PDZRN3: variants seen among roughly 807,000 people sequenced by gnomAD.
The protein encoded by PDZRN3 is E3 ubiquitin-protein ligase PDZRN3.
In PDZRN3, 38 loss-of-function variants were observed where a neutral mutation model predicts 85.7. The ratio of observed to expected loss-of-function variants is 0.44; its 90% confidence interval spans 0.34 to 0.58. The LOEUF (loss-of-function observed/expected upper bound fraction) is 0.58, where lower values mean the gene tolerates loss of function less well. PDZRN3 is among the 20% of genes least tolerant of loss of function. The pLI is 0.01. For synonymous variants in PDZRN3, 759 were observed against 638.0 expected (o/e 1.19, Z -2.86); for missense variants, 1,629 against 1,506.4 (o/e 1.08, Z -1.35).
intron 3 of PDZRN3, among the ~76,000 whole-genome samples, chr3:73,498,332 T>G (rs1451109176): frequency 6.6e-6 from 1 of 152,110 alleles, no homozygotes; most frequent in African/African-American, 2.4e-5. Flanking sequence ...CATTCAGTGG[T>G]TAGTGTTGGG....
chr3:73,568,609 G>C (rs1344542200), intron 3 of PDZRN3, among the ~76,000 whole-genome samples: 2 of 152,176 alleles, frequency 1.3e-5, no homozygotes, highest in Non-Finnish European at 1.5e-5. Flanking sequence ...ATGTGAGACA[G>C]ACCGATGTCA....
At position 73,382,757 on chromosome 3, in the gene PDZRN3, ACT is replaced by A. The variant is rs1703262804; in HGVS notation, c.*606_*607del. 1 of 152,634 alleles carries A rather than the reference ACT, an allele frequency of 6.6e-6. No homozygotes were observed. Among genetic ancestry groups the A allele is most frequent in the South Asian group, 2.1e-4 (1 of 4,828 alleles). 9.5% of individuals were successfully genotyped at this position (152,634 alleles called of 1,614,324 possible). ...TTTTGCTTTCTGCTAAAACCTTTACACTCTCTTGGGAACCTTAACCAGGAAAA... is the reference window on the plus strand; with the variant it reads ...TTTTGCTTTCTGCTAAAACCTTTACACTCTTGGGAACCTTAACCAGGAAAA... On this transcript the variant is annotated 3_prime_UTR_variant, in exon 10 of 10. Transcript: ENST00000263666.
chr3:73,442,455 GC>G (rs552508212), intron 3 of PDZRN3, among the ~76,000 whole-genome samples: 48 of 152,148 alleles, frequency 3.2e-4, no homozygotes, highest in Non-Finnish European at 5.4e-4. Flanking sequence ...GCGCTACAGG[GC>G]ACGTGAACGT....
intron 3 of PDZRN3, chr3:73,433,611 T>A (rs112930676): frequency 6.8e-7 from 1 of 1,472,190 alleles, no homozygotes; most frequent in Non-Finnish European, 9.2e-7. Flanking sequence ...GCCTATGCAC[T>A]TCTATGGAAT....
intron 5 of PDZRN3, among the ~76,000 whole-genome samples, chr3:73,392,564 C>G (rs1285990201): frequency 6.6e-6 from 1 of 152,204 alleles, no homozygotes; most frequent in Non-Finnish European, 1.5e-5. Flanking sequence ...ACATGAGGCA[C>G]ACAAGAGCTC....
At chr3:73,503,683 T>G (rs1272994930) in intron 3 of PDZRN3, among the ~76,000 whole-genome samples, 1 of 152,254 alleles carries the variant, frequency 6.6e-6, no homozygotes, top group African/African-American at 2.4e-5. Context: ...TCCAAAAATG[T>G]AACACAGCAT....
At chr3:73,577,755 C>T (rs1702145892) in intron 3 of PDZRN3, among the ~76,000 whole-genome samples, 1 of 152,218 alleles carries the variant, frequency 6.6e-6, no homozygotes, top group Admixed American at 6.5e-5. Flanking sequence ...TCCACTCCTG[C>T]CCTTCAAGCC....
Position 73,384,095 on chromosome 3 carries a change from G to C in PDZRN3, c.2471C>G (p.Pro824Arg), listed in dbSNP as rs761741441. 6.2e-7 allele frequency: 1 copy of C among 1,613,732 alleles called. No individual in the cohort carries two copies. Among genetic ancestry groups the C allele is most frequent in the Non-Finnish European group, 8.5e-7 (1 of 1,179,924 alleles). Residue 824 changes from proline (P) to arginine (R), a missense_variant, in exon 10 of 10, where the codon CCG (proline) becomes CGG (arginine). Transcript: ENST00000263666. ...DPEVGTPTYSPSLKELDPNQP... is the reference protein window; with the variant it reads ...DPEVGTPTYSRSLKELDPNQP... Reference sequence around the variant, plus strand: ...GTTGGGGTCCAGCTCCTTCAGGGACGGGCTATAGGTAGGGGTGCCCACTTC... The same window carrying C: ...GTTGGGGTCCAGCTCCTTCAGGGACCGGCTATAGGTAGGGGTGCCCACTTC...
intron 3 of PDZRN3, among the ~76,000 whole-genome samples, chr3:73,427,400 C>T (rs1398937933): frequency 6.6e-6 from 1 of 152,298 alleles, no homozygotes; most frequent in Non-Finnish European, 1.5e-5. Flanking sequence ...GCCTTCACCC[C>T]GAACTGTTGA....
At chr3:73,391,741 T>TA (rs1487761260) in intron 5 of PDZRN3, among the ~76,000 whole-genome samples, 1 of 152,214 alleles carries the variant, frequency 6.6e-6, no homozygotes, top group Non-Finnish European at 1.5e-5. Flanking sequence ...ATTTGCCAGT[T>TA]AGTCTGTGCT....
In PDZRN3 at chr3:73,404,323, T is replaced by G. The variant is rs752410666; in HGVS notation, c.991A>C (p.Ile331Leu). The G allele has an allele frequency of 3.3e-5, 54 of 1,614,086 alleles. No individual in the cohort carries two copies. Among genetic ancestry groups the G allele is most frequent in the Non-Finnish European group, 4.1e-5 (48 of 1,180,030 alleles). ...GTTCTTCTCAACACCTGCACCACTA[T>G]GGGCTCCTTGGCTGTCTTGAAAGCT... is the stretch of plus-strand genomic sequence containing the variant. ...VEAFKTAKEP[I>L]VVQVLRRTPR... The change falls in exon 4 of 10, where the codon ATA becomes CTA. Residue 331 changes from isoleucine (I) to leucine (L), a missense_variant. Physicochemically the swap from Ile to Leu is conservative, Grantham distance 5. Transcript: ENST00000263666.
chr3:73,451,253 G>A (rs918909268), intron 3 of PDZRN3, among the ~76,000 whole-genome samples: 6 of 152,102 alleles, frequency 3.9e-5, no homozygotes, highest in African/African-American at 7.2e-5. Flanking sequence ...CAGGGCAAGC[G>A]CAGTAAAAAA....
rs764877210 is a variant in PDZRN3 at position 73,396,959 on chromosome 3, C to T, written c.1254+3963G>A. ...GTCTCATAATAACAGAGATTTGACA[C>T]TTACCTAAATATGATCATTTTGTGT... On this transcript the variant is annotated intron_variant, in intron 5 of 9. Coordinates refer to ENST00000263666, the MANE Select transcript of PDZRN3 (RefSeq NM_015009.3). Among the ~76,000 whole-genome samples the T allele has an allele frequency of 3.3e-5, 5 of 152,246 alleles. No homozygotes were observed. The South Asian group carries it at 8.3e-4, about 25-fold the overall frequency.
intron 3 of PDZRN3, among the ~76,000 whole-genome samples, chr3:73,568,271 T>G (rs1317083748): frequency 6.8e-6 from 1 of 146,648 alleles, no homozygotes; most frequent in Admixed American, 6.7e-5. Flanking sequence ...CAGGAAAGTC[T>G]TTTTTTTTCT....
At chr3:73,543,543 T>G (rs1701338509) in intron 3 of PDZRN3, among the ~76,000 whole-genome samples, 1 of 152,258 alleles carries the variant, frequency 6.6e-6, no homozygotes, top group Non-Finnish European at 1.5e-5. Context: ...TCTCTCTTTC[T>G]CTTTACTAGG....
rs541643935 is a variant in PDZRN3, at chr3:73,549,046, T to C, written c.918+53308A>G. Among the ~76,000 whole-genome samples, 7 of 152,310 alleles carry C rather than the reference T, an allele frequency of 4.6e-5. No homozygotes were observed. In the South Asian group the frequency reaches 1.5e-3, roughly 32 times the overall value. ...CATTTTCTTTTGATAGGTCAAATGG[T>C]TGGTGGCATATCTCTTCTCGCCTCT... On this transcript the variant is annotated intron_variant, in intron 3 of 9. Coordinates refer to ENST00000263666, the MANE Select transcript of PDZRN3 (RefSeq NM_015009.3).
Position 73,505,780 on chromosome 3 carries a change from AC to A in PDZRN3, c.918+96573del, listed in dbSNP as rs140731533. Among the ~76,000 whole-genome samples, 148 of 152,236 alleles carry A rather than the reference AC, an allele frequency of 9.7e-4. No homozygotes were observed. The East Asian group carries it at 0.026, about 27-fold the overall frequency. On this transcript the variant is annotated intron_variant, in intron 3 of 9. Transcript: ENST00000263666. Reference sequence around the variant, plus strand: ...TGTCCTCTTGTTTTTTTAAAAAAAAACAGCACATAAAGTCAGTGTGAGGAAA... The same window carrying A: ...TGTCCTCTTGTTTTTTTAAAAAAAAAAGCACATAAAGTCAGTGTGAGGAAA...
chr3:73,525,613 A>C (rs899126465), intron 3 of PDZRN3, among the ~76,000 whole-genome samples: 1 of 152,246 alleles, frequency 6.6e-6, no homozygotes, highest in African/African-American at 2.4e-5. Context: ...TTTTAAGCTC[A>C]AAGTATTCTT....
intron 3 of PDZRN3, among the ~76,000 whole-genome samples, chr3:73,457,186 C>T (rs1275305500): frequency 6.6e-6 from 1 of 152,036 alleles, no homozygotes; most frequent in Non-Finnish European, 1.5e-5. Context: ...GATTCTCCTG[C>T]CTCAGCCTTT....
Sources: gnomAD v4.1 joint callset for allele counts (sites outside exome capture counted in the v4.1 genomes callset) on GRCh38, gnomAD v4.1.1 for gene constraint, MANE v1.5 for transcripts, NCBI Gene and HGNC (gene_info 2026-07-23, HGNC 2026-07-21) for gene names.